The following SMOC1 variants were observed in gnomAD, a reference collection of about 807,000 sequenced individuals.
SMOC1 encodes the protein SPARC related modular calcium binding 1.
A neutral mutation model predicts 56.3 loss-of-function variants in SMOC1; 22 were observed. The ratio of observed to expected loss-of-function variants is 0.39; its 90% CI spans 0.28 to 0.56. The LOEUF (loss-of-function observed/expected upper bound fraction) is 0.56. SMOC1 is among the 20% of genes least tolerant of loss of function. The pLI is 0.61. For synonymous variants in SMOC1, 193 were observed against 215.0 expected (o/e 0.90, Z 0.89); for missense variants, 509 against 565.4 (o/e 0.90, Z 1.01).
intron 1 of SMOC1, among the ~76,000 whole-genome samples, chr14:69,894,953 T>A (rs1028238318): frequency 3.3e-5 from 5 of 152,230 alleles, no homozygotes; most frequent in African/African-American, 1.2e-4. Context: ...GTTTAAGGAC[T>A]ATCCCCAGTG....
chr14:70,004,094 G>C (rs1885066429), intron 7 of SMOC1, among the ~76,000 whole-genome samples: 1 of 152,124 alleles, frequency 6.6e-6, no homozygotes, highest in South Asian at 2.1e-4. Context: ...GGCCAGAGTA[G>C]GCACCTTGGT....
chr14:69,949,685 A>G (rs1882923143), intron 1 of SMOC1, among the ~76,000 whole-genome samples: 1 of 152,198 alleles, frequency 6.6e-6, no homozygotes, highest in African/African-American at 2.4e-5. Context: ...AAGGCCTGGA[A>G]GTAGCAGCAG....
At chr14:69,936,789 AAACCCATCTAT>A (rs60485434) in intron 1 of SMOC1, among the ~76,000 whole-genome samples, 7,313 of 152,292 alleles carry the variant, frequency 0.048, 222 homozygotes, top group Non-Finnish European at 0.073. Flanking sequence ...GAAAAAAGCC[AAACCCATCTAT>A]AACCCATCTG....
intron 1 of SMOC1, among the ~76,000 whole-genome samples, chr14:69,918,349 C>A (rs1328245220): frequency 6.6e-6 from 1 of 152,244 alleles, no homozygotes; most frequent in South Asian, 2.1e-4. Flanking sequence ...CTGCCTCCAC[C>A]TCTGAGCAGC....
At chr14:69,950,774 A>G (rs769558106) in intron 1 of SMOC1, among the ~76,000 whole-genome samples, 3 of 152,216 alleles carry the variant, frequency 2.0e-5, no homozygotes, top group Admixed American at 6.5e-5. Context: ...GTTGTTGTTA[A>G]CAGGGGGTTC....
At chr14:69,921,846 C>G (rs17107453) in intron 1 of SMOC1, among the ~76,000 whole-genome samples, 5,441 of 152,240 alleles carry the variant, frequency 0.036, 340 homozygotes, top group African/African-American at 0.12. Context: ...GAACCAGAAA[C>G]AGCAGGTTAG....
chr14:70,020,944 C>T (rs1404125752), intron 10 of SMOC1, among the ~76,000 whole-genome samples: 1 of 152,186 alleles, frequency 6.6e-6, no homozygotes, highest in Non-Finnish European at 1.5e-5. Flanking sequence ...GCGGGAGCCC[C>T]AGAAACACGT....
intron 11 of SMOC1, 37 bp from the exon 12 acceptor site, chr14:70,030,202 CTTT>C (rs34504720): frequency 4.6e-3 from 6,769 of 1,484,624 alleles, no homozygotes; most frequent in East Asian, 9.1e-3. Flanking sequence ...TGCCCCCGAC[CTTT>C]TTTTTTTTTT....
intron 1 of SMOC1, among the ~76,000 whole-genome samples, chr14:69,905,730 T>A (rs1448597657): frequency 1.3e-5 from 2 of 152,080 alleles, no homozygotes; most frequent in Non-Finnish European, 2.9e-5. Flanking sequence ...GCCAGTTGGA[T>A]GTGGAAGGGT....
chr14:69,935,937 A>G (rs953874747), intron 1 of SMOC1, among the ~76,000 whole-genome samples: 2 of 152,226 alleles, frequency 1.3e-5, no homozygotes, highest in African/African-American at 4.8e-5. Flanking sequence ...GAGCTAGTGT[A>G]TGAAACTACC....
At chr14:69,967,688 C>G (rs368756168) in intron 3 of SMOC1, among the ~76,000 whole-genome samples, 2 of 152,200 alleles carry the variant, frequency 1.3e-5, no homozygotes, top group East Asian at 1.9e-4. Flanking sequence ...ATTTTGTCTT[C>G]TTAATAATCT....
chr14:69,907,324 G>C (rs768424155), intron 1 of SMOC1, among the ~76,000 whole-genome samples: 1 of 152,114 alleles, frequency 6.6e-6, no homozygotes, highest in Non-Finnish European at 1.5e-5. Context: ...TGGAATCTTA[G>C]ATATCATCTT....
intron 1 of SMOC1, among the ~76,000 whole-genome samples, chr14:69,881,412 A>G (rs1437399926): frequency 1.5e-5 from 2 of 136,178 alleles, no homozygotes; most frequent in Admixed American, 1.5e-4. Flanking sequence ...GGGCTTGTCT[A>G]GAGTCTCAAG....
At chr14:69,935,054 A>G (rs142539954) in intron 1 of SMOC1, among the ~76,000 whole-genome samples, 2 of 152,314 alleles carry the variant, frequency 1.3e-5, no homozygotes, top group African/African-American at 2.4e-5. Context: ...CTTCCTCTCT[A>G]ATTCCCTCTT....
intron 1 of SMOC1, among the ~76,000 whole-genome samples, chr14:69,930,347 G>A (rs1450771503): frequency 2.6e-5 from 4 of 152,236 alleles, no homozygotes; most frequent in African/African-American, 9.6e-5. Context: ...GTCTGTAGGG[G>A]CACTTGCGAT....
At chr14:69,953,086 T>C (rs1369046836) in intron 2 of SMOC1, among the ~76,000 whole-genome samples, 1 of 152,178 alleles carries the variant, frequency 6.6e-6, no homozygotes, top group African/African-American at 2.4e-5. Context: ...TAAGACATGG[T>C]TGAGCCCCTG....
intron 7 of SMOC1, among the ~76,000 whole-genome samples, chr14:70,007,481 G>A (rs1885188357): frequency 6.6e-6 from 1 of 152,218 alleles, no homozygotes; most frequent in Non-Finnish European, 1.5e-5. Flanking sequence ...AGACATCATT[G>A]GTCAGAAGGA....
chr14:70,020,528 G>A (rs1594859467), intron 10 of SMOC1, among the ~76,000 whole-genome samples: 1 of 152,258 alleles, frequency 6.6e-6, no homozygotes, highest in East Asian at 1.9e-4. Flanking sequence ...GGCCTCACAG[G>A]GCAGGCTGTG....
chr14:69,953,599 C>T (rs915991974), intron 3 of SMOC1, 67 bp downstream of exon 3: 9 of 1,352,054 alleles, frequency 6.7e-6, no homozygotes, highest in South Asian at 4.7e-5. Context: ...GTCCCGAGAG[C>T]GCGAGGGCTG....
Sources: allele counts gnomAD v4.1 joint callset (sites outside exome capture counted in the v4.1 genomes callset), GRCh38; gene constraint gnomAD v4.1.1; transcripts MANE v1.5; gene names NCBI Gene and HGNC (gene_info 2026-07-23, HGNC 2026-07-21).